Variants in SATB2 observed in about 807,000 individuals in gnomAD.
SATB2 encodes DNA-binding protein SATB2.
A neutral mutation model predicts 73.4 loss-of-function variants in SATB2; 1 was observed. The observed-to-expected ratio is 0.01, with a 90% CI of 0.00 to 0.06. The LOEUF is 0.06. Ranked by LOEUF, SATB2 falls within the 10% of genes least tolerant of loss-of-function variation. The probability of loss-of-function intolerance (pLI) is 1.00; values close to 1 mark genes in which losing one functional copy is unlikely to be tolerated. For missense variants in SATB2, 459 were observed against 945.8 expected, an observed-to-expected ratio of 0.49 and a Z score of 6.75; for synonymous variants, 397 against 367.0, an observed-to-expected ratio of 1.08 and a Z score of -0.93.
rs1692239818 is a variant in SATB2, at chr2:199,455,282, A to G, written c.169+587T>C. On this transcript the variant is annotated intron_variant, in intron 2 of 10. Transcript: ENST00000417098. This position sits in a 1 kb window ranked among gnomAD's most constrained non-coding sequence, Gnocchi z 4.1. Reference sequence around the variant, plus strand: ...TTCTCCTATAATTCATAATAAAGTTACGAATGCATATGACTAAACTTTATA... The same window carrying G: ...TTCTCCTATAATTCATAATAAAGTTGCGAATGCATATGACTAAACTTTATA... Among the ~76,000 whole-genome samples the G allele has an allele frequency of 6.6e-6, 1 of 152,246 alleles. No homozygotes were observed. Among genetic ancestry groups the G allele is most frequent in the African/African-American group, 2.4e-5 (1 of 41,462 alleles).
rs1691874291 is a variant in SATB2, at chr2:199,443,356, A to G, written c.170-9842T>C. Among the ~76,000 whole-genome samples the G allele has an allele frequency of 1.3e-5, 2 of 152,160 alleles. 1 individual carries two copies. The highest frequency in any genetic ancestry group is 4.8e-5 in the African/African-American group (2 of 41,446). On this transcript the variant is annotated intron_variant, in intron 2 of 10. Coordinates refer to ENST00000417098, the MANE Select transcript of SATB2 (RefSeq NM_001172509.2). ...AAAGGAATCAAGTGCTCAGCTCTCA[A>G]TAAGACAAGACTACCCAGATTTCTA...
chr2:199,386,698 G>A (rs1174382086), intron 3 of SATB2, among the ~76,000 whole-genome samples: 31 of 5,598 alleles, frequency 5.5e-3, no homozygotes, highest in East Asian at 0.11. Context: ...GTGCGCAAGC[G>A]CGCGCGCGCG....
Position 199,457,285 on chromosome 2 carries a change from G to A in SATB2, c.-60+54C>T, listed in dbSNP as rs1455838277. 1 of 152,234 alleles carries A rather than the reference G, an allele frequency of 6.6e-6. No homozygotes were observed. Among genetic ancestry groups the A allele is most frequent in the African/African-American group, 2.4e-5 (1 of 41,446 alleles). 9.4% of individuals were successfully genotyped at this position (152,234 alleles called of 1,614,324 possible). ...GCGGGGAGGGGACTTCGTTGGCCCT[G>A]GGCTTCCCCGAACTCCCGAGCGCGG... is the stretch of plus-strand genomic sequence containing the variant. On this transcript the variant is annotated intron_variant, in intron 1 of 10. Transcript: ENST00000417098. The surrounding 1 kb of genome is among the most constrained non-coding windows in gnomAD (Gnocchi z 4.8).
At chr2:199,415,607 T>C (rs1431938182) in intron 3 of SATB2, among the ~76,000 whole-genome samples, 1 of 152,254 alleles carries the variant, frequency 6.6e-6, no homozygotes, top group Non-Finnish European at 1.5e-5. Flanking sequence ...CTATTTAATT[T>C]GATGGAAAAG....
intron 10 of SATB2, among the ~76,000 whole-genome samples, chr2:199,280,565 G>A (rs973984232): frequency 6.6e-6 from 1 of 152,174 alleles, no homozygotes; most frequent in Admixed American, 6.5e-5. Flanking sequence ...CTGAGAAAGA[G>A]AATGTGTCCC....
intron 7 of SATB2, among the ~76,000 whole-genome samples, chr2:199,340,823 G>A (rs1374417560): frequency 6.6e-6 from 1 of 152,104 alleles, no homozygotes; most frequent in African/African-American, 2.4e-5. Flanking sequence ...ACTGGATTTA[G>A]CCTAGTTTGG....
intron 10 of SATB2, among the ~76,000 whole-genome samples, chr2:199,302,769 C>T (rs1292354654): frequency 6.6e-6 from 1 of 152,174 alleles, no homozygotes; most frequent in Non-Finnish European, 1.5e-5. Flanking sequence ...AGCAAGTTCA[C>T]AAATCAAGAT....
At chr2:199,414,156 A>G (rs769691990) in intron 3 of SATB2, among the ~76,000 whole-genome samples, 3 of 152,180 alleles carry the variant, frequency 2.0e-5, no homozygotes, top group Non-Finnish European at 4.4e-5. Flanking sequence ...CATACCAGCC[A>G]AGCAGAATTC....
At chr2:199,343,388 G>C (rs1300607857) in intron 7 of SATB2, among the ~76,000 whole-genome samples, 1 of 152,108 alleles carries the variant, frequency 6.6e-6, no homozygotes, top group Non-Finnish European at 1.5e-5. Flanking sequence ...GTTTATTTTT[G>C]TTTATTATAG....
chr2:199,421,381 A>G (rs1691164708), intron 3 of SATB2, among the ~76,000 whole-genome samples: 1 of 152,204 alleles, frequency 6.6e-6, no homozygotes, highest in African/African-American at 2.4e-5. Flanking sequence ...GGGAGATTTC[A>G]TGATTTGTTC....
intron 2 of SATB2, among the ~76,000 whole-genome samples, chr2:199,445,366 G>T (rs557688959): frequency 6.6e-6 from 1 of 152,206 alleles, no homozygotes; most frequent in African/African-American, 2.4e-5. Flanking sequence ...GAACATGCAG[G>T]TCAGTCCCCA....
chr2:199,296,886 T>C (rs568039795), intron 10 of SATB2, among the ~76,000 whole-genome samples: 1 of 152,178 alleles, frequency 6.6e-6, no homozygotes, highest in African/African-American at 2.4e-5. Flanking sequence ...GAGAGTAATA[T>C]TTATTCTTTA....
chr2:199,294,741 T>C (rs896536120), intron 10 of SATB2, among the ~76,000 whole-genome samples: 3 of 152,202 alleles, frequency 2.0e-5, no homozygotes, highest in Non-Finnish European at 4.4e-5. Flanking sequence ...AAAAAAATCA[T>C]TGCATGTGAA....
At chr2:199,344,336 G>C (rs180949038) in intron 7 of SATB2, among the ~76,000 whole-genome samples, 2 of 152,182 alleles carry the variant, frequency 1.3e-5, no homozygotes, top group East Asian at 3.9e-4. Context: ...TTTTGCAGTA[G>C]TATGCAACAG....
chr2:199,350,150 C>G (rs1269609039), intron 6 of SATB2, among the ~76,000 whole-genome samples: 1 of 152,086 alleles, frequency 6.6e-6, no homozygotes, highest in Non-Finnish European at 1.5e-5. Flanking sequence ...AAAATCCATA[C>G]AAATTTAGAA....
chr2:199,454,118 T>G (rs2105954819), intron 2 of SATB2, among the ~76,000 whole-genome samples: 1 of 152,182 alleles, frequency 6.6e-6, no homozygotes, highest in Non-Finnish European at 1.5e-5. Flanking sequence ...AACACTAAAG[T>G]TATCCCTGGT....
chr2:199,454,351 A>G (rs568490847), intron 2 of SATB2, among the ~76,000 whole-genome samples: 30 of 152,274 alleles, frequency 2.0e-4, no homozygotes, highest in Middle Eastern at 3.4e-3. Flanking sequence ...AAGGAGTTTC[A>G]GAACTTTTTC....
At chr2:199,469,848 T>TA (rs1692670161), upstream of SATB2, 1 of 152,468 alleles carries the variant, frequency 6.6e-6, no homozygotes. Context: ...TGTTCACACC[T>TA]ATTACATTTT....
At position 199,308,512 on chromosome 2, in the gene SATB2, G is replaced by C. The variant is rs12613202; in HGVS notation, c.1740+248C>G. Among the ~76,000 whole-genome samples the C allele has an allele frequency of 1.4e-4, 22 of 152,042 alleles. No homozygotes were observed. The East Asian group carries it at 4.3e-3, about 30-fold the overall frequency. On this transcript the variant is annotated intron_variant, in intron 10 of 10. Coordinates refer to ENST00000417098, the MANE Select transcript of SATB2 (RefSeq NM_001172509.2). The surrounding 1 kb of genome is among the most constrained non-coding windows in gnomAD (Gnocchi z 4.6). ...GATCTCAGGAAAGCAGCTGTCTTTGGCATTCAACTTCTCAGTCATTTTTCT... is the reference window on the plus strand; with the variant it reads ...GATCTCAGGAAAGCAGCTGTCTTTGCCATTCAACTTCTCAGTCATTTTTCT...
Sources: allele counts gnomAD v4.1 joint callset (sites outside exome capture counted in the v4.1 genomes callset), GRCh38; gene constraint gnomAD v4.1.1; non-coding constraint Gnocchi (gnomAD v3.1); transcripts MANE v1.5; gene names NCBI Gene and HGNC (gene_info 2026-07-23, HGNC 2026-07-21).